DAB1: variants seen among roughly 807,000 people sequenced by gnomAD.
The protein encoded by DAB1 is disabled homolog 1.
In DAB1, 15 loss-of-function variants were observed where a neutral mutation model predicts 64.6. That is an observed-to-expected ratio of 0.23 (90% CI 0.16 to 0.36). The LOEUF is 0.36. Among genes scored for constraint, DAB1 ranks in the 10% least tolerant of loss-of-function variants. The pLI is 1.00. For synonymous variants in DAB1, 235 were observed against 251.9 expected, an observed-to-expected ratio of 0.93 and a Z score of 0.64; for missense variants, 596 against 706.7, an observed-to-expected ratio of 0.84 and a Z score of 1.78.
At chr1:58,031,889 G>A (rs1204733688) in intron 5 of DAB1, among the ~76,000 whole-genome samples, 9 of 151,850 alleles carry the variant, frequency 5.9e-5, no homozygotes, top group South Asian at 4.1e-4. Flanking sequence ...TCAAGTGCAC[G>A]GTGTTTCCCT....
intron 3 of DAB1, among the ~76,000 whole-genome samples, chr1:58,345,202 A>G (rs953924428): frequency 6.6e-6 from 1 of 152,204 alleles, no homozygotes; most frequent in Non-Finnish European, 1.5e-5. Flanking sequence ...CCCAGACCTT[A>G]GCCTACCTCA....
intron 4 of DAB1, among the ~76,000 whole-genome samples, chr1:58,247,180 G>C (rs1660578617): frequency 6.6e-6 from 1 of 151,880 alleles, no homozygotes; most frequent in Non-Finnish European, 1.5e-5. Flanking sequence ...CTGGAGAGGA[G>C]AAGATTAATT....
At chr1:57,968,985 A>G (rs1645733842) in intron 5 of DAB1, among the ~76,000 whole-genome samples, 1 of 152,212 alleles carries the variant, frequency 6.6e-6, no homozygotes, top group Admixed American at 6.6e-5. Flanking sequence ...AATCAGAGGC[A>G]ATGCACTAAT....
At chr1:57,183,186 C>T (rs1007634699) in intron 2 of DAB1, among the ~76,000 whole-genome samples, 12 of 152,018 alleles carry the variant, frequency 7.9e-5, no homozygotes, top group African/African-American at 2.4e-4. Flanking sequence ...CTGAAACTGA[C>T]GGGGAACTGC....
intron 3 of DAB1, among the ~76,000 whole-genome samples, chr1:58,447,821 T>C (rs997569223): frequency 6.7e-6 from 1 of 149,832 alleles, no homozygotes; most frequent in Admixed American, 6.7e-5. Flanking sequence ...TAGTTTTGCC[T>C]GTGAGTAGCA....
intron 6 of DAB1, among the ~76,000 whole-genome samples, chr1:57,766,266 TAAA>T (rs59419561): frequency 3.5e-5 from 5 of 141,564 alleles, no homozygotes; most frequent in South Asian, 2.3e-4. Flanking sequence ...GCAGGCAGAT[TAAA>T]AAAAAAAAAA....
chr1:58,508,230 T>G (rs1646020498), intron 2 of DAB1, among the ~76,000 whole-genome samples: 1 of 152,192 alleles, frequency 6.6e-6, no homozygotes, highest in Admixed American at 6.5e-5. Flanking sequence ...TCTGTACTTC[T>G]CAAACCCAGT....
At chr1:57,720,483 T>C (rs1051958455) in intron 6 of DAB1, among the ~76,000 whole-genome samples, 2 of 152,224 alleles carry the variant, frequency 1.3e-5, no homozygotes, top group Non-Finnish European at 2.9e-5. Flanking sequence ...AATTCCGGCA[T>C]GAAGATAGTG....
At chr1:58,193,746 C>T (rs952785211) in intron 4 of DAB1, among the ~76,000 whole-genome samples, 1 of 152,028 alleles carries the variant, frequency 6.6e-6, no homozygotes, top group African/African-American at 2.4e-5. Context: ...ATGCCAGCTG[C>T]TCGGGAGGCT....
chr1:58,014,644 A>G (rs1646713751), intron 5 of DAB1, among the ~76,000 whole-genome samples: 1 of 152,220 alleles, frequency 6.6e-6, no homozygotes, highest in Non-Finnish European at 1.5e-5. Flanking sequence ...ACCTCTGCCT[A>G]TTCCATGGGA....
intron 4 of DAB1, among the ~76,000 whole-genome samples, chr1:57,106,441 G>A (rs915200440): frequency 6.6e-6 from 1 of 152,092 alleles, no homozygotes; most frequent in African/African-American, 2.4e-5. Flanking sequence ...GTTTGGCGGG[G>A]TGCACAGCTC....
At position 58,082,209 on chromosome 1, in the gene DAB1, T is replaced by C. The variant is rs60132012; in HGVS notation, n.387+68302A>G. Reference sequence around the variant, plus strand: ...GATTTTGCATTCTGATGTGGAACATTTATACCAAACCCAGAGTGGCTAATC... The same window carrying C: ...GATTTTGCATTCTGATGTGGAACATCTATACCAAACCCAGAGTGGCTAATC... On this transcript the variant is annotated intron_variant and non_coding_transcript_variant, in intron 5 of 20. Transcript: ENST00000485760. 3.8e-3 allele frequency among the ~76,000 whole-genome samples: 584 copies of C among 152,256 alleles called. 4 individuals are homozygous for C. The highest frequency in any genetic ancestry group is 0.014 in the African/African-American group (564 of 41,556).
rs1644344511 is a variant in DAB1, at chr1:57,506,443, G to A, written n.625+143149C>T. ...TGAGTTTTACCACATGGGGTGAAGT[G>A]AACAAAACTAGTCACTATACACACA... On this transcript the variant is annotated intron_variant and non_coding_transcript_variant, in intron 7 of 20. Transcript: ENST00000485760. Among the ~76,000 whole-genome samples the A allele has an allele frequency of 2.0e-5, 3 of 152,332 alleles. 1 individual carries two copies. The South Asian group carries it at 6.2e-4, about 32-fold the overall frequency.
chr1:57,251,105 C>T (rs748207279), intron 2 of DAB1, among the ~76,000 whole-genome samples: 3 of 152,208 alleles, frequency 2.0e-5, no homozygotes, highest in Admixed American at 2.0e-4. Flanking sequence ...ACATGGTTTT[C>T]ATACCTTGAG....
intron 5 of DAB1, among the ~76,000 whole-genome samples, chr1:58,034,296 C>G (rs1003573000): frequency 6.6e-6 from 1 of 152,178 alleles, no homozygotes; most frequent in African/African-American, 2.4e-5. Flanking sequence ...GCCCTCAGTC[C>G]AAATGCCTGC....
chr1:57,864,772 C>T (rs1654223064), intron 1 of DAB1: 1 of 151,790 alleles, frequency 6.6e-6, no homozygotes, highest in Non-Finnish European at 1.5e-5. Context: ...GTATTGAACT[C>T]CTGCGCTCAA....
intron 6 of DAB1, among the ~76,000 whole-genome samples, chr1:57,763,950 A>C (rs148901223): frequency 4.7e-4 from 72 of 152,324 alleles, no homozygotes; most frequent in African/African-American, 1.7e-3. Flanking sequence ...ACAACTACAA[A>C]TAGTTTGTCT....
rs574945453 is a variant in DAB1, at chr1:57,782,693, T to C, written n.551+101306A>G. ...CAAAAGGTACTATCTTGGGTGCTTT[T>C]AAATTTTTCCTGGGTAAGTAGGTAA... On this transcript the variant is annotated intron_variant and non_coding_transcript_variant, in intron 6 of 20. Coordinates refer to the DAB1 transcript ENST00000485760. Among the ~76,000 whole-genome samples, 4 of 152,286 alleles carry C rather than the reference T, an allele frequency of 2.6e-5. No homozygotes were observed. The South Asian group carries it at 8.3e-4, about 32-fold the overall frequency.
At chr1:57,354,731 C>A (rs1267685878) in intron 1 of DAB1, among the ~76,000 whole-genome samples, 3 of 152,116 alleles carry the variant, frequency 2.0e-5, no homozygotes, top group African/African-American at 7.2e-5. Context: ...CCTGAGCAAT[C>A]CATCATGCTT....
Sources: allele counts gnomAD v4.1 joint callset (sites outside exome capture counted in the v4.1 genomes callset), GRCh38; gene constraint gnomAD v4.1.1; transcripts MANE v1.5; gene names NCBI Gene and HGNC (gene_info 2026-07-23, HGNC 2026-07-21).